Variants in ROBO2 observed in about 807,000 individuals in gnomAD.
The protein encoded by ROBO2 is roundabout guidance receptor 2, also known as roundabout homolog 2.
ROBO2 carries 53 observed loss-of-function variants against 160.8 expected under a neutral mutation model. The ratio of observed to expected loss-of-function variants is 0.33; its 90% CI spans 0.26 to 0.41. ROBO2 has a LOEUF of 0.41. Ranked by LOEUF, ROBO2 falls within the 10% of genes least tolerant of loss-of-function variation. ROBO2 has a pLI of 1.00. For synonymous variants in ROBO2, 664 were observed against 611.7 expected (o/e 1.09, Z -1.26); for missense variants, 1,577 against 1,722.4 (o/e 0.92, Z 1.49).
chr3:76,331,870 G>C (rs1297091150), intron 2 of ROBO2, among the ~76,000 whole-genome samples: 1 of 151,826 alleles, frequency 6.6e-6, no homozygotes, highest in Non-Finnish European at 1.5e-5. Flanking sequence ...TTTTAGTAGA[G>C]ACGGAGTTTC....
At chr3:77,356,149 C>A (rs1316932320) in intron 2 of ROBO2, among the ~76,000 whole-genome samples, 2 of 152,022 alleles carry the variant, frequency 1.3e-5, no homozygotes, top group Non-Finnish European at 2.9e-5. Flanking sequence ...AAATATTATG[C>A]AACCATTAAG....
Position 77,403,120 on chromosome 3 carries a change from G to T in ROBO2, c.389-74294G>T, listed in dbSNP as rs760239853. 3.9e-5 allele frequency among the ~76,000 whole-genome samples: 6 copies of T among 152,262 alleles called. 1 individual carries two copies. The South Asian group carries it at 1.0e-3, about 26-fold the overall frequency. ...AGTTAATTATAACTGACAAAATTATGTATTTGTGGTGTACCACATGTTTTA... is the reference window on the plus strand; with the variant it reads ...AGTTAATTATAACTGACAAAATTATTTATTTGTGGTGTACCACATGTTTTA... On this transcript the variant is annotated intron_variant, in intron 2 of 25. Transcript: ENST00000461745.
intron 2 of ROBO2, among the ~76,000 whole-genome samples, chr3:76,260,196 C>T (rs771704966): frequency 2.6e-5 from 4 of 151,944 alleles, no homozygotes; most frequent in Admixed American, 2.6e-4. Flanking sequence ...TGCTGATATG[C>T]GAGAGCCACA....
At chr3:76,248,924 G>T (rs1705808200) in intron 2 of ROBO2, among the ~76,000 whole-genome samples, 1 of 151,994 alleles carries the variant, frequency 6.6e-6, no homozygotes, top group Non-Finnish European at 1.5e-5. Flanking sequence ...GCTGGTACTA[G>T]CACAGATATG....
intron 2 of ROBO2, among the ~76,000 whole-genome samples, chr3:76,697,872 T>C (rs2092961048): frequency 6.6e-6 from 1 of 152,144 alleles, no homozygotes. Context: ...TGTGATAGTC[T>C]ACAGAGAGCA....
At chr3:76,288,875 T>C (rs1168659188) in intron 2 of ROBO2, among the ~76,000 whole-genome samples, 1 of 152,190 alleles carries the variant, frequency 6.6e-6, no homozygotes, top group Non-Finnish European at 1.5e-5. Flanking sequence ...CCATATAATA[T>C]TTTTTTAATC....
intron 5 of ROBO2, among the ~76,000 whole-genome samples, chr3:77,506,158 C>T (rs2088490027): frequency 6.6e-6 from 1 of 152,092 alleles, no homozygotes; most frequent in South Asian, 2.1e-4. Flanking sequence ...CCAGGACGCC[C>T]TTCATTCCAT....
At chr3:76,348,696 C>G (rs1292773065) in intron 2 of ROBO2, among the ~76,000 whole-genome samples, 1 of 152,092 alleles carries the variant, frequency 6.6e-6, no homozygotes, top group African/African-American at 2.4e-5. Context: ...ATCTGCTTCT[C>G]CATCTCCCCT....
chr3:76,403,352 T>A (rs1397298041), intron 2 of ROBO2, among the ~76,000 whole-genome samples: 1 of 151,682 alleles, frequency 6.6e-6, no homozygotes, highest in African/African-American at 2.4e-5. Context: ...TACTTGAAAC[T>A]TAAAAATATT....
chr3:77,055,788 G>A (rs1276252631), intron 1 of ROBO2, among the ~76,000 whole-genome samples: 1 of 152,052 alleles, frequency 6.6e-6, no homozygotes, highest in Non-Finnish European at 1.5e-5. Flanking sequence ...ATATAACTAC[G>A]AGATGATTTC....
At chr3:76,832,674 A>C (rs2067191981) in intron 2 of ROBO2, among the ~76,000 whole-genome samples, 2 of 152,286 alleles carry the variant, frequency 1.3e-5, no homozygotes, top group Non-Finnish European at 2.9e-5. Flanking sequence ...CAAGAAAATA[A>C]GCAAGTACAA....
At chr3:76,646,944 G>A (rs2090998674) in intron 2 of ROBO2, among the ~76,000 whole-genome samples, 1 of 152,134 alleles carries the variant, frequency 6.6e-6, no homozygotes, top group African/African-American at 2.4e-5. Context: ...CTATGGCTGG[G>A]GGAACAAAGG....
intron 2 of ROBO2, among the ~76,000 whole-genome samples, chr3:76,834,062 T>TTTTTTC (rs1553651249): frequency 2.3e-5 from 2 of 88,012 alleles, no homozygotes; most frequent in African/African-American, 9.1e-5. Flanking sequence ...CCTTTCTTTC[T>TTTTTTC]TTTCTTTCTT....
intron 2 of ROBO2, among the ~76,000 whole-genome samples, chr3:77,150,847 G>A (rs2077493895): frequency 6.6e-6 from 1 of 151,976 alleles, no homozygotes; most frequent in Non-Finnish European, 1.5e-5. Context: ...GTGATTCTAT[G>A]ACAGAATGTT....
At chr3:76,322,204 A>ATATATATATAT (rs1320119727) in intron 2 of ROBO2, among the ~76,000 whole-genome samples, 1 of 114,058 alleles carries the variant, frequency 8.8e-6, no homozygotes. Flanking sequence ...ATATATATAT[A>ATATATATATAT]ATATACACAC....
chr3:76,921,085 C>G (rs1577492789), intron 2 of ROBO2, among the ~76,000 whole-genome samples: 1 of 152,248 alleles, frequency 6.6e-6, no homozygotes, highest in East Asian at 1.9e-4. Flanking sequence ...TGAGTCCTTT[C>G]AAGCATCTTG....
intron 2 of ROBO2, among the ~76,000 whole-genome samples, chr3:76,995,308 C>T (rs2060932982): frequency 1.3e-5 from 2 of 152,090 alleles, no homozygotes; most frequent in African/African-American, 4.8e-5. Context: ...CATAGTATTC[C>T]ATGGTGTATA....
intron 2 of ROBO2, among the ~76,000 whole-genome samples, chr3:76,083,651 C>T (rs1227582884): frequency 6.6e-6 from 1 of 152,054 alleles, no homozygotes; most frequent in Non-Finnish European, 1.5e-5. Context: ...CACCAATTCC[C>T]TGATAGAACC....
At chr3:76,453,092 T>C (rs2077559427) in intron 2 of ROBO2, among the ~76,000 whole-genome samples, 1 of 152,126 alleles carries the variant, frequency 6.6e-6, no homozygotes, top group African/African-American at 2.4e-5. Context: ...GTCAGATGAG[T>C]AGGTTGCAAA....
Sources: allele counts gnomAD v4.1 joint callset (sites outside exome capture counted in the v4.1 genomes callset), GRCh38; gene constraint gnomAD v4.1.1; transcripts MANE v1.5; gene names NCBI Gene and HGNC (gene_info 2026-07-23, HGNC 2026-07-21).